Variants in TNIK observed in about 807,000 individuals in gnomAD.
TNIK encodes the protein TRAF2 and NCK interacting kinase.
A neutral mutation model predicts 191.3 loss-of-function variants in TNIK; 49 were observed. The observed-to-expected ratio is 0.26, with a 90% CI of 0.20 to 0.32. The LOEUF (loss-of-function observed/expected upper bound fraction) is 0.32. Among genes scored for constraint, TNIK ranks in the 10% least tolerant of loss-of-function variants. The probability of loss-of-function intolerance (pLI) is 1.00; values close to 1 mark genes in which losing one functional copy is unlikely to be tolerated. For synonymous variants in TNIK, 594 were observed against 600.9 expected (o/e 0.99, Z 0.17); for missense variants, 1,155 against 1,702.3 (o/e 0.68, Z 5.66).
chr3:171,161,982 A>G (rs1290435774), intron 10 of TNIK, among the ~76,000 whole-genome samples: 1 of 152,330 alleles, frequency 6.6e-6, no homozygotes, highest in African/African-American at 2.4e-5. Flanking sequence ...AGCCACCCAT[A>G]TCAAACCCAT....
chr3:171,128,603 G>T (rs974565429), intron 16 of TNIK, 111 bp downstream of exon 16: 10 of 1,304,922 alleles, frequency 7.7e-6, no homozygotes, highest in East Asian at 7.6e-5. Flanking sequence ...TATATTAAGG[G>T]TCATAATTTG....
chr3:171,334,875 C>CTTT (rs58249552), intron 2 of TNIK, among the ~76,000 whole-genome samples: 18 of 146,022 alleles, frequency 1.2e-4, no homozygotes, highest in African/African-American at 4.5e-4. Context: ...TTATAAGTTT[C>CTTT]TTTTTTTTTT....
At chr3:171,191,930 T>C (rs1452104961) in intron 5 of TNIK, among the ~76,000 whole-genome samples, 3 of 152,334 alleles carry the variant, frequency 2.0e-5, no homozygotes, top group Non-Finnish European at 4.4e-5. Flanking sequence ...GATAATTCAA[T>C]GTATCGGGTC....
At chr3:171,075,418 T>C (rs1719767052) in intron 28 of TNIK, among the ~76,000 whole-genome samples, 1 of 152,184 alleles carries the variant, frequency 6.6e-6, no homozygotes, top group Non-Finnish European at 1.5e-5. Context: ...AATTATCAGA[T>C]TGAGGACAAG....
At chr3:171,126,235 A>T in intron 16 of TNIK, 84 bp from the exon 17 acceptor site, 2 of 1,441,514 alleles carry the variant, frequency 1.4e-6, no homozygotes, top group African/African-American at 2.9e-5. Flanking sequence ...AGGAAAAAAA[A>T]AAAAAAGTTC....
intron 1 of TNIK, among the ~76,000 whole-genome samples, chr3:171,443,577 T>C (rs1727107097): frequency 6.6e-6 from 1 of 151,946 alleles, no homozygotes; most frequent in African/African-American, 2.4e-5. Flanking sequence ...CTCCTACCTG[T>C]AATCCCAGCA....
intron 23 of TNIK, among the ~76,000 whole-genome samples, chr3:171,091,989 G>A (rs1409508367): frequency 5.5e-5 from 8 of 146,278 alleles, no homozygotes; most frequent in East Asian, 4.1e-4. Flanking sequence ...TCGTTCTGTC[G>A]CCCAGGCTGG....
In TNIK at chr3:171,063,781, A is replaced by G. The variant is rs372041877; in HGVS notation, c.*100T>C. 2.0e-4 allele frequency: 245 copies of G among 1,206,646 alleles called. 1 individual carries two copies. In the East Asian group the frequency reaches 2.8e-3, roughly 14 times the overall value. The allele number at this position is 1,206,646 out of a possible 1,614,324, so 74.7% of individuals were successfully genotyped here. On this transcript the variant is annotated 3_prime_UTR_variant, in exon 33 of 33. Coordinates refer to ENST00000436636, the MANE Select transcript of TNIK (RefSeq NM_015028.4). ...AAAGGGAAAGCGATATGTTCAACCA[A>G]GCCTTCTGATTCTGCCTCTAGACTG...
intron 1 of TNIK, among the ~76,000 whole-genome samples, chr3:171,435,088 C>T (rs1577927613): frequency 6.6e-6 from 1 of 152,172 alleles, no homozygotes; most frequent in East Asian, 1.9e-4. Flanking sequence ...TGGCTTTCCC[C>T]TCATGGTTGT....
At chr3:171,120,325 T>TTC (rs1369936895) in intron 18 of TNIK, among the ~76,000 whole-genome samples, 89 of 146,090 alleles carry the variant, frequency 6.1e-4, no homozygotes, top group African/African-American at 2.0e-3. Flanking sequence ...TTTTCTTTCT[T>TTC]TTTTTTTTTT....
intron 1 of TNIK, among the ~76,000 whole-genome samples, chr3:171,435,416 G>C (rs1215150666): frequency 1.3e-5 from 2 of 152,204 alleles, no homozygotes; most frequent in Non-Finnish European, 2.9e-5. Context: ...CTGTGAGAAA[G>C]AAAAAGGATG....
intron 3 of TNIK, among the ~76,000 whole-genome samples, chr3:171,218,489 T>G (rs1429945035): frequency 6.6e-6 from 1 of 151,752 alleles, no homozygotes; most frequent in Non-Finnish European, 1.5e-5. Flanking sequence ...GGATCCTAGA[T>G]TTACAATTCA....
At chr3:171,115,115 G>GGAGTT (rs1230666932) in intron 18 of TNIK, among the ~76,000 whole-genome samples, 1 of 152,168 alleles carries the variant, frequency 6.6e-6, no homozygotes, top group Non-Finnish European at 1.5e-5. Context: ...AAGGTTTCTT[G>GGAGTT]GAGTTGCTCT....
At chr3:171,455,805 C>A (rs546040679) in intron 1 of TNIK, among the ~76,000 whole-genome samples, 3 of 152,294 alleles carry the variant, frequency 2.0e-5, no homozygotes, top group Admixed American at 2.0e-4. Context: ...AGACAGGGTT[C>A]ATTCCACTCC....
At chr3:171,120,700 C>T (rs1289108069) in intron 18 of TNIK, among the ~76,000 whole-genome samples, 1 of 152,038 alleles carries the variant, frequency 6.6e-6, no homozygotes, top group Non-Finnish European at 1.5e-5. Flanking sequence ...AACTGGTCTC[C>T]TTGATGGTTC....
At chr3:171,097,327 T>C (rs898796303) in intron 22 of TNIK, among the ~76,000 whole-genome samples, 5 of 152,198 alleles carry the variant, frequency 3.3e-5, no homozygotes, top group African/African-American at 1.2e-4. Context: ...ACAGTGTACA[T>C]TCTAGTTGAG....
At chr3:171,459,925 A>ACCCCCCCCCCCCCC in intron 1 of TNIK, 82 bp downstream of exon 1, 1 of 494,220 alleles carries the variant, frequency 2.0e-6, no homozygotes, top group Non-Finnish European at 3.8e-6. Context: ...CCCCTGCCCC[A>ACCCCCCCCCCCCCC]GCCCCAGCCC....
At chr3:171,118,134 CT>C (rs1336198067) in intron 18 of TNIK, among the ~76,000 whole-genome samples, 1 of 151,856 alleles carries the variant, frequency 6.6e-6, no homozygotes, top group African/African-American at 2.4e-5. Flanking sequence ...CACAAACATT[CT>C]TATACACCAA....
At chr3:171,080,088 A>AG (rs1720474534) in intron 27 of TNIK, among the ~76,000 whole-genome samples, 1 of 152,174 alleles carries the variant, frequency 6.6e-6, no homozygotes, top group African/African-American at 2.4e-5. Flanking sequence ...AACAAACAAG[A>AG]GGATAATATG....
Sources: allele counts gnomAD v4.1 joint callset (sites outside exome capture counted in the v4.1 genomes callset), GRCh38; gene constraint gnomAD v4.1.1; transcripts MANE v1.5; gene names NCBI Gene and HGNC (gene_info 2026-07-23, HGNC 2026-07-21).